Variants in CALM3 observed in about 807,000 individuals in gnomAD.
The protein encoded by CALM3 is calmodulin 3.
In CALM3, 5 loss-of-function variants were observed where a neutral mutation model predicts 20.1. The ratio of observed to expected loss-of-function variants is 0.25; its 90% CI spans 0.13 to 0.52. CALM3 has a LOEUF of 0.52. Ranked by LOEUF, CALM3 falls within the 20% of genes least tolerant of loss-of-function variation. The probability of loss-of-function intolerance (pLI) is 0.96; values close to 1 mark genes in which losing one functional copy is unlikely to be tolerated. For synonymous variants in CALM3, 69 were observed against 68.1 expected (o/e 1.01, Z -0.06); for missense variants, 57 against 192.8 (o/e 0.30, Z 4.17).
chr19:46,602,254 G>C, intron 1 of CALM3: 3 of 1,323,242 alleles, frequency 2.3e-6, no homozygotes, highest in Non-Finnish European at 3.0e-6. Context: ...GGGACCCTTG[G>C]GGTTAATTTG....
chr19:46,609,000 T>C lies in CALM3; in HGVS notation c.421+19T>C, dbSNP rs1599759656. On this transcript the variant is annotated intron_variant, in intron 5 of 5. Coordinates refer to ENST00000291295, the MANE Select transcript of CALM3 (RefSeq NM_005184.4). This position sits in a 1 kb window ranked among gnomAD's most constrained non-coding sequence, Gnocchi z 5.5. ...TATGAAGGTGAGTCAAGGCCAGGCT[T>C]GATCTCTGGAACAAGAAGAGAATCG... 6.2e-7 allele frequency: 1 copy of C among 1,604,548 alleles called. No homozygotes were observed. The highest frequency in any genetic ancestry group is 8.5e-7 in the Non-Finnish European group (1 of 1,174,294).
In CALM3 at chr19:46,608,848, TG is replaced by T; in HGVS notation, c.291del (p.Asn98MetfsTer12). 1 of 1,548,930 alleles carries T rather than the reference TG, an allele frequency of 6.5e-7. No individual in the cohort carries two copies. Among genetic ancestry groups the T allele is most frequent in the South Asian group, 1.3e-5 (1 of 79,456 alleles). On this transcript the variant is annotated frameshift_variant, in exon 5 of 6. Coordinates refer to ENST00000291295, the MANE Select transcript of CALM3 (RefSeq NM_005184.4). LOFTEE classifies it high-confidence loss of function. This position sits in a 1 kb window ranked among gnomAD's most constrained non-coding sequence, Gnocchi z 5.5. ...REAFRVFDKD[G>X]NGYISAAELR... ...AAGGCTTTATCCCCAACCCCCAGGATGGGAATGGCTACATCAGCGCCGCAGA... is the reference window on the plus strand; with the variant it reads ...AAGGCTTTATCCCCAACCCCCAGGATGGAATGGCTACATCAGCGCCGCAGA...
Position 46,608,663 on chromosome 19 carries a change from G to A in CALM3, c.285+75G>A. ...GCAGACAGGCGGAACTGGAGCCACG[G>A]AGCTACCACTTCCAGGAGGTCCGGG... On this transcript the variant is annotated intron_variant, in intron 4 of 5. Transcript: ENST00000291295. The surrounding 1 kb of genome is among the most constrained non-coding windows in gnomAD (Gnocchi z 5.5). 7.3e-7 allele frequency: 1 copy of A among 1,370,120 alleles called. No individual in the cohort carries two copies. Among genetic ancestry groups the A allele is most frequent in the Middle Eastern group, 2.0e-4 (1 of 4,934 alleles). The allele number at this position is 1,370,120 out of a possible 1,614,324, so 84.9% of individuals were successfully genotyped here. A position where few individuals can be genotyped will look rare whatever the true frequency, so the allele number is the denominator to read the frequency against.
intron 1 of CALM3, chr19:46,602,296 G>A (rs766829097): frequency 4.8e-6 from 5 of 1,035,752 alleles, no homozygotes; most frequent in Non-Finnish European, 6.7e-6. Context: ...GAGGTTACTA[G>A]TGGGTTAAGA....
chr19:46,606,771 AC>A (rs1329347060), intron 2 of CALM3, among the ~76,000 whole-genome samples: 1 of 152,046 alleles, frequency 6.6e-6, no homozygotes, highest in African/African-American at 2.4e-5. Context: ...GTGCCTGCCT[AC>A]CCGCCCATAC....
rs1223909182 is a variant in CALM3 at position 46,609,265 on chromosome 19, TTGAC to T, written c.*116_*119del. The stretch of plus-strand genomic sequence containing the variant: ...CCCGGTTCTAGCAAACACCAATTGA[TTGAC>T]TGAGAATCTGATAAAGCAACAAAAG... On this transcript the variant is annotated 3_prime_UTR_variant, in exon 6 of 6. Transcript: ENST00000291295. The T allele has an allele frequency of 8.5e-6, 8 of 945,784 alleles. No individual in the cohort carries two copies. Among genetic ancestry groups the T allele is most frequent in the African/African-American group, 4.9e-5 (3 of 61,428 alleles). 58.6% of individuals were successfully genotyped at this position (945,784 alleles called of 1,614,324 possible).
upstream of CALM3, chr19:46,601,088 T>A: frequency 9.3e-7 from 1 of 1,078,012 alleles, no homozygotes; most frequent in Non-Finnish European, 1.3e-6. This position sits in a 1 kb window ranked among gnomAD's most constrained non-coding sequence, Gnocchi z 4.2. Flanking sequence ...CGAGGGAAAG[T>A]AGTCCGGCGA....
rs1971609292 is a variant in CALM3 at position 46,601,342 on chromosome 19, G to GGCGCGGAC, written c.-86_-79dup. On this transcript the variant is annotated 5_prime_UTR_variant, in exon 1 of 6. Transcript: ENST00000291295. This position sits in a 1 kb window ranked among gnomAD's most constrained non-coding sequence, Gnocchi z 4.2. ...GCGCGCTGCGGGCAGTGAGTGTGGA[G>GGCGCGGAC]GCGCGGACGCGCGGCGGAGCTGGAA... 1.5e-6 allele frequency: 2 copies of GGCGCGGAC among 1,365,618 alleles called. No individual in the cohort carries two copies. The highest frequency in any genetic ancestry group is 4.6e-5 in the Admixed American group (2 of 43,034). The allele number at this position is 1,365,618 out of a possible 1,614,324, so 84.6% of individuals were successfully genotyped here.
Position 46,608,627 on chromosome 19 carries a change from C to A in CALM3, c.285+39C>A, listed in dbSNP as rs1049201427. On this transcript the variant is annotated intron_variant, in intron 4 of 5. Coordinates refer to ENST00000291295, the MANE Select transcript of CALM3 (RefSeq NM_005184.4). The surrounding 1 kb of genome is among the most constrained non-coding windows in gnomAD (Gnocchi z 5.5). ...TCCAGGGGCGGCTCTGAGACTGACG[C>A]CAGCCTTCAGGCAGACAGGCGGAAC... is the stretch of plus-strand genomic sequence containing the variant. 1 of 1,528,532 alleles carries A rather than the reference C, an allele frequency of 6.5e-7. No individual in the cohort carries two copies. The highest frequency in any genetic ancestry group is 1.4e-5 in the African/African-American group (1 of 73,082). 94.7% of individuals were successfully genotyped at this position (1,528,532 alleles called of 1,614,324 possible).
rs1971609754 is a variant in CALM3, at chr19:46,601,357, C to T, written c.-78C>T. 4.8e-6 allele frequency: 7 copies of T among 1,446,892 alleles called. No individual in the cohort carries two copies. The East Asian group carries it at 1.5e-4, about 31-fold the overall frequency. 89.6% of individuals were successfully genotyped at this position (1,446,892 alleles called of 1,614,324 possible). On this transcript the variant is annotated 5_prime_UTR_variant, in exon 1 of 6. Coordinates refer to ENST00000291295, the MANE Select transcript of CALM3 (RefSeq NM_005184.4). The surrounding 1 kb of genome is among the most constrained non-coding windows in gnomAD (Gnocchi z 4.2). Reference sequence around the variant, plus strand: ...TGAGTGTGGAGGCGCGGACGCGCGGCGGAGCTGGAACTGCTGCAGCTGCTG... The same window carrying T: ...TGAGTGTGGAGGCGCGGACGCGCGGTGGAGCTGGAACTGCTGCAGCTGCTG...
chr19:46,609,224 AC>A lies in CALM3; in HGVS notation c.*72del. The A allele has an allele frequency of 7.1e-7, 1 of 1,413,842 alleles. No individual in the cohort carries two copies. The highest frequency in any genetic ancestry group is 1.8e-5 in the Admixed American group (1 of 55,510). The allele number at this position is 1,413,842 out of a possible 1,614,324, so 87.6% of individuals were successfully genotyped here. A position where few individuals can be genotyped will look rare whatever the true frequency, so the allele number is the denominator to read the frequency against. On this transcript the variant is annotated 3_prime_UTR_variant, in exon 6 of 6. Coordinates refer to ENST00000291295, the MANE Select transcript of CALM3 (RefSeq NM_005184.4). ...TTCTCGCGCGCGCACTCTCTCTTCA[AC>A]ACTCCCCTGCGTACCCCGGTTCTAG...
chr19:46,602,501 G>C (rs1377576146), intron 1 of CALM3: 1 of 314,144 alleles, frequency 3.2e-6, no homozygotes, highest in African/African-American at 2.2e-5. Flanking sequence ...CACCCTGCCA[G>C]TCTCCAGGGA....
Position 46,608,055 on chromosome 19 carries a change from G to A in CALM3, c.35-142G>A, listed in dbSNP as rs1971780390. ...GAGCACTGAGGAGAGAGAGCTGGTT[G>A]CGTGGGACTTGAAGTCTGTCTCAGT... On this transcript the variant is annotated intron_variant, in intron 2 of 5. Coordinates refer to ENST00000291295, the MANE Select transcript of CALM3 (RefSeq NM_005184.4). This position sits in a 1 kb window ranked among gnomAD's most constrained non-coding sequence, Gnocchi z 5.5. 1.4e-6 allele frequency: 1 copy of A among 724,240 alleles called. No homozygotes were observed. Among genetic ancestry groups the A allele is most frequent in the Non-Finnish European group, 2.3e-6 (1 of 431,180 alleles). 44.9% of individuals were successfully genotyped at this position (724,240 alleles called of 1,614,324 possible).
At chr19:46,601,258 G>A (rs539154417), upstream of CALM3, 583 of 375,624 alleles carry the variant, frequency 1.6e-3, 4 homozygotes, top group African/African-American at 0.012. The surrounding 1 kb of genome is among the most constrained non-coding windows in gnomAD (Gnocchi z 4.2). Flanking sequence ...CGAGCGAGGC[G>A]GGGCGCGCGC....
rs188178783 is a variant in CALM3, at chr19:46,608,059, G to A, written c.35-138G>A. On this transcript the variant is annotated intron_variant, in intron 2 of 5. Coordinates refer to ENST00000291295, the MANE Select transcript of CALM3 (RefSeq NM_005184.4). The surrounding 1 kb of genome is among the most constrained non-coding windows in gnomAD (Gnocchi z 5.5). Reference sequence around the variant, plus strand: ...ACTGAGGAGAGAGAGCTGGTTGCGTGGGACTTGAAGTCTGTCTCAGTTTCT... The same window carrying A: ...ACTGAGGAGAGAGAGCTGGTTGCGTAGGACTTGAAGTCTGTCTCAGTTTCT... 5.3e-6 allele frequency: 4 copies of A among 756,796 alleles called. No homozygotes were observed. The allele number at this position is 756,796 out of a possible 1,614,324, so 46.9% of individuals were successfully genotyped here.
intron 2 of CALM3, chr19:46,607,972 C>T: frequency 1.9e-6 from 1 of 520,388 alleles, no homozygotes; most frequent in African/African-American, 1.9e-5. Flanking sequence ...AATAGCTTCA[C>T]CTAGCACAGT....
In CALM3 at chr19:46,608,356, C is replaced by T. The variant is rs761456118; in HGVS notation, c.178+16C>T. The T allele has an allele frequency of 1.9e-5, 30 of 1,613,370 alleles. No homozygotes were observed. The highest frequency in any genetic ancestry group is 1.3e-4 in the East Asian group (6 of 44,880). On this transcript the variant is annotated intron_variant, in intron 3 of 5. Transcript: ENST00000291295. This position sits in a 1 kb window ranked among gnomAD's most constrained non-coding sequence, Gnocchi z 5.5. The stretch of plus-strand genomic sequence containing the variant: ...GATGCAGATGGTGAGCCCCACAGAG[C>T]GCGTGGGCAGCCCTGCTCCTGGTCA...
At chr19:46,604,898 C>T (rs892101198) in intron 1 of CALM3, among the ~76,000 whole-genome samples, 1 of 152,038 alleles carries the variant, frequency 6.6e-6, no homozygotes, top group Non-Finnish European at 1.5e-5. Context: ...CCCCCAGCCC[C>T]GCTCCTGCCC....
Position 46,609,174 on chromosome 19 carries a change from G to A in CALM3, c.*21G>A, listed in dbSNP as rs2229577. 5.8e-5 allele frequency: 93 copies of A among 1,612,982 alleles called. No individual in the cohort carries two copies. The Middle Eastern group carries it at 1.5e-3, about 26-fold the overall frequency. On this transcript the variant is annotated 3_prime_UTR_variant, in exon 6 of 6. Coordinates refer to ENST00000291295, the MANE Select transcript of CALM3 (RefSeq NM_005184.4). The stretch of plus-strand genomic sequence containing the variant: ...AGTGAAGGCCCCCCGGGCAGCTGGC[G>A]ATGCCCGTTCTCTTGATCTCTCTCT...
Sources: allele counts gnomAD v4.1 joint callset (sites outside exome capture counted in the v4.1 genomes callset), GRCh38; gene constraint gnomAD v4.1.1; non-coding constraint Gnocchi (gnomAD v3.1); transcripts MANE v1.5; gene names NCBI Gene and HGNC (gene_info 2026-07-23, HGNC 2026-07-21).